MGMT: variants seen among roughly 807,000 people sequenced by gnomAD.
The protein encoded by MGMT is O-6-methylguanine-DNA methyltransferase.
A neutral mutation model predicts 15.9 loss-of-function variants in MGMT; 14 were observed. That is an observed-to-expected ratio of 0.88 (90% confidence interval 0.58 to 1.37). The LOEUF is 1.37. MGMT is among the 40% of genes most tolerant of loss of function. MGMT has a pLI of 0.00. For missense variants in MGMT, 282 were observed against 268.1 expected (o/e 1.05, Z -0.36); for synonymous variants, 130 against 118.2 (o/e 1.10, Z -0.65).
intron 3 of MGMT, among the ~76,000 whole-genome samples, chr10:129,719,676 G>C (rs1848346235): frequency 6.6e-6 from 1 of 152,154 alleles, no homozygotes; most frequent in Admixed American, 6.5e-5. Context: ...AGGGCTACCT[G>C]AACAACCGAA....
At chr10:129,549,336 G>C (rs1367012177) in intron 2 of MGMT, among the ~76,000 whole-genome samples, 1 of 152,178 alleles carries the variant, frequency 6.6e-6, no homozygotes, top group Non-Finnish European at 1.5e-5. Context: ...TTTATTGCCT[G>C]CAGATCCGTG....
At chr10:129,740,853 A>G (rs567706225) in intron 3 of MGMT, among the ~76,000 whole-genome samples, 1 of 152,282 alleles carries the variant, frequency 6.6e-6, no homozygotes, top group Admixed American at 6.5e-5. Flanking sequence ...CGAGCCTGGT[A>G]CCTAGTAAGC....
chr10:129,643,144 T>A (rs572906690), intron 2 of MGMT, among the ~76,000 whole-genome samples: 10 of 152,166 alleles, frequency 6.6e-5, no homozygotes, highest in Non-Finnish European at 8.8e-5. Flanking sequence ...CTCGTGCGCT[T>A]CCCCTTCACC....
At chr10:129,587,486 A>T (rs1034836878) in intron 2 of MGMT, among the ~76,000 whole-genome samples, 1 of 146,344 alleles carries the variant, frequency 6.8e-6, no homozygotes, top group Admixed American at 6.9e-5. Context: ...TTTATATCTT[A>T]ATTTTTCTTT....
intron 1 of MGMT, among the ~76,000 whole-genome samples, chr10:129,503,137 C>T (rs151272651): frequency 3.3e-5 from 5 of 151,838 alleles, no homozygotes; most frequent in African/African-American, 1.2e-4. Flanking sequence ...CCTCCAGCTC[C>T]TATTCTTCAG....
intron 2 of MGMT, among the ~76,000 whole-genome samples, chr10:129,582,136 A>C (rs1846563814): frequency 6.6e-6 from 1 of 152,160 alleles, no homozygotes; most frequent in South Asian, 2.1e-4. Context: ...TGTATGAAGG[A>C]CATCATTCGG....
rs974784185 is a variant in MGMT at position 129,659,451 on chromosome 10, A to G, written c.126-48444A>G. Among the ~76,000 whole-genome samples the G allele has an allele frequency of 2.0e-5, 3 of 152,084 alleles. No individual in the cohort carries two copies. The highest frequency in any genetic ancestry group is 4.8e-5 in the African/African-American group (2 of 41,392). On this transcript the variant is annotated intron_variant, in intron 2 of 4. Transcript: ENST00000651593. This position sits in a 1 kb window ranked among gnomAD's most constrained non-coding sequence, Gnocchi z 4.1. ...TGGAGATAGAACAGATCCTGCCTCT[A>G]TCCACGGCGTAAGGGAGTTAGCTTC...
At chr10:129,677,895 GGTT>G (rs1262595803) in intron 2 of MGMT, among the ~76,000 whole-genome samples, 4 of 152,124 alleles carry the variant, frequency 2.6e-5, no homozygotes, top group Admixed American at 1.3e-4. Flanking sequence ...TGATGAGGCC[GGTT>G]GTTGGCCATA....
intron 2 of MGMT, among the ~76,000 whole-genome samples, chr10:129,573,123 G>A (rs1304198266): frequency 4.0e-5 from 6 of 151,866 alleles, no homozygotes; most frequent in Non-Finnish European, 7.4e-5. Context: ...TGATTGTTTG[G>A]GGTTCCTTGG....
At chr10:129,576,860 G>A (rs577901734) in intron 2 of MGMT, among the ~76,000 whole-genome samples, 23 of 152,204 alleles carry the variant, frequency 1.5e-4, no homozygotes, top group East Asian at 7.7e-4. Context: ...AAATCAATGT[G>A]CAAAAATCAC....
intron 2 of MGMT, among the ~76,000 whole-genome samples, chr10:129,706,431 C>T (rs1848163153): frequency 1.3e-5 from 2 of 152,194 alleles, no homozygotes; most frequent in Admixed American, 1.3e-4. Context: ...GCACGCCCCC[C>T]AAGGCAGCCC....
intron 3 of MGMT, among the ~76,000 whole-genome samples, chr10:129,752,360 A>G (rs1848758897): frequency 6.6e-6 from 1 of 151,880 alleles, no homozygotes. Context: ...TAACCTACCT[A>G]CAGGTATCAT....
chr10:129,626,000 C>T (rs73388717), intron 2 of MGMT, among the ~76,000 whole-genome samples: 7,572 of 152,262 alleles, frequency 0.05, 625 homozygotes, highest in African/African-American at 0.17. Flanking sequence ...CCCACATGTC[C>T]CTTCAGCTCG....
chr10:129,471,890 G>C (rs1295051091), intron 1 of MGMT, among the ~76,000 whole-genome samples: 2 of 152,204 alleles, frequency 1.3e-5, no homozygotes, highest in African/African-American at 4.8e-5. Flanking sequence ...ATGGGTCTGA[G>C]TACGGTTTTG....
At chr10:129,755,268 G>A (rs1360745250) in intron 3 of MGMT, among the ~76,000 whole-genome samples, 2 of 152,250 alleles carry the variant, frequency 1.3e-5, no homozygotes, top group Non-Finnish European at 2.9e-5. Flanking sequence ...GATGGCCAGG[G>A]AGCATTAGGT....
At chr10:129,681,761 G>A (rs1464617697) in intron 2 of MGMT, among the ~76,000 whole-genome samples, 1 of 152,114 alleles carries the variant, frequency 6.6e-6, no homozygotes, top group Non-Finnish European at 1.5e-5. Context: ...TTGTGTAGGT[G>A]CAGATTTTTG....
In MGMT at chr10:129,636,379, G is replaced by A. The variant is rs1156975577; in HGVS notation, c.126-71516G>A. On this transcript the variant is annotated intron_variant, in intron 2 of 4. Coordinates refer to ENST00000651593, the MANE Select transcript of MGMT (RefSeq NM_002412.5). ...TAAGCACTCAATAAATGTTGGCTCT[G>A]AAGAGATTCTTCTCATTTGCATCAT... Among the ~76,000 whole-genome samples the A allele has an allele frequency of 3.3e-5, 5 of 152,216 alleles. No homozygotes were observed. The East Asian group carries it at 9.6e-4, about 29-fold the overall frequency.
chr10:129,647,598 A>G (rs1355715375), intron 2 of MGMT, among the ~76,000 whole-genome samples: 3 of 152,240 alleles, frequency 2.0e-5, no homozygotes, highest in Non-Finnish European at 4.4e-5. Context: ...TTTTGGCTTA[A>G]TAGAAAATAA....
intron 2 of MGMT, among the ~76,000 whole-genome samples, chr10:129,555,683 G>T (rs1328098269): frequency 6.6e-6 from 1 of 151,842 alleles, no homozygotes; most frequent in Non-Finnish European, 1.5e-5. Context: ...CCACTGCACT[G>T]CAGCCTGGGC....
Sources: allele counts gnomAD v4.1 joint callset (sites outside exome capture counted in the v4.1 genomes callset), GRCh38; gene constraint gnomAD v4.1.1; non-coding constraint Gnocchi (gnomAD v3.1); transcripts MANE v1.5; gene names NCBI Gene and HGNC (gene_info 2026-07-23, HGNC 2026-07-21).